Variants in MSI2 observed in about 807,000 individuals in gnomAD.
MSI2 encodes RNA-binding protein Musashi homolog 2.
A neutral mutation model predicts 45.6 loss-of-function variants in MSI2; 17 were observed. That is an observed-to-expected ratio of 0.37 (90% CI 0.26 to 0.56). The LOEUF (loss-of-function observed/expected upper bound fraction) is 0.56. Among genes scored for constraint, MSI2 ranks in the 20% least tolerant of loss-of-function variants. The pLI, the probability that MSI2 is intolerant of heterozygous loss-of-function variation, is 0.77. For synonymous variants in MSI2, 156 were observed against 158.2 expected, an observed-to-expected ratio of 0.99 and a Z score of 0.11; for missense variants, 293 against 444.2, an observed-to-expected ratio of 0.66 and a Z score of 3.06.
intron 5 of MSI2, among the ~76,000 whole-genome samples, chr17:57,392,482 T>G (rs2083813089): frequency 6.6e-6 from 1 of 152,156 alleles, no homozygotes; most frequent in African/African-American, 2.4e-5. Context: ...TATAATTGTG[T>G]GTGAATTATA....
chr17:57,676,399 C>G (rs142172837), intron 12 of MSI2, among the ~76,000 whole-genome samples: 1 of 152,326 alleles, frequency 6.6e-6, no homozygotes, highest in East Asian at 1.9e-4. Context: ...CTAATCCCTT[C>G]GGATCAACTG....
intron 5 of MSI2, among the ~76,000 whole-genome samples, chr17:57,342,333 C>T (rs894623): frequency 0.25 from 37,283 of 151,902 alleles, 4,795 homozygotes; most frequent in Non-Finnish European, 0.3. Flanking sequence ...CCTGGTTGAA[C>T]GCTCTGAGAG....
At chr17:57,673,683 C>T (rs1444799077) in intron 11 of MSI2, among the ~76,000 whole-genome samples, 3 of 151,944 alleles carry the variant, frequency 2.0e-5, no homozygotes, top group Non-Finnish European at 2.9e-5. Flanking sequence ...TGACAGGCTG[C>T]GGCCCTCATT....
chr17:57,410,111 A>G (rs1266673845), intron 6 of MSI2, among the ~76,000 whole-genome samples: 1 of 151,482 alleles, frequency 6.6e-6, no homozygotes, highest in East Asian at 1.9e-4. Context: ...GGCAGGATGC[A>G]GGTAGGGTGA....
At chr17:57,620,988 A>G (rs1273818006) in intron 9 of MSI2, among the ~76,000 whole-genome samples, 1 of 152,314 alleles carries the variant, frequency 6.6e-6, no homozygotes, top group Admixed American at 6.5e-5. Context: ...TGTTTTGCCC[A>G]TTGGCCCAGC....
At chr17:57,456,111 G>A (rs113199911) in intron 6 of MSI2, among the ~76,000 whole-genome samples, 3 of 152,278 alleles carry the variant, frequency 2.0e-5, no homozygotes, top group South Asian at 2.1e-4. Context: ...CAAGAACATC[G>A]AACAACCACT....
intron 5 of MSI2, among the ~76,000 whole-genome samples, chr17:57,399,067 A>G (rs1287845463): frequency 6.6e-6 from 1 of 152,020 alleles, no homozygotes; most frequent in Non-Finnish European, 1.5e-5. Flanking sequence ...AAAGGGCTTG[A>G]TGGAATTTTG....
chr17:57,695,888 C>T, the MSI2 span, among the ~76,000 whole-genome samples: 1 of 152,172 alleles, frequency 6.6e-6, no homozygotes, highest in Non-Finnish European at 1.5e-5. Flanking sequence ...TGTTTCCTCA[C>T]ACGGCCTCTC....
intron 6 of MSI2, among the ~76,000 whole-genome samples, chr17:57,502,636 T>TATATATATATATATATATATAGAG: frequency 1.0e-5 from 1 of 96,902 alleles, no homozygotes; most frequent in Non-Finnish European, 2.1e-5. Flanking sequence ...TATATATATA[T>TATATATATATATATATATATAGAG]AGTCATCATT....
rs546397638 is a variant in MSI2, at chr17:57,518,962, C to T, written c.406-10714C>T. On this transcript the variant is annotated intron_variant, in intron 6 of 13. Coordinates refer to ENST00000284073, the MANE Select transcript of MSI2 (RefSeq NM_138962.4). ...CAGTGTCTCTCTCCCCTTCCCTCAT[C>T]GCCTCCTCTCTACACCCCATCTCAG... Among the ~76,000 whole-genome samples, 15 of 152,328 alleles carry T rather than the reference C, an allele frequency of 9.8e-5. No individual in the cohort carries two copies. In the South Asian group the frequency reaches 2.3e-3, roughly 23 times the overall value.
At chr17:57,415,094 A>G (rs2143234575) in intron 6 of MSI2, among the ~76,000 whole-genome samples, 1 of 152,132 alleles carries the variant, frequency 6.6e-6, no homozygotes, top group Admixed American at 6.5e-5. Context: ...AGACGGTGAG[A>G]GCGTTGACTC....
intron 6 of MSI2, among the ~76,000 whole-genome samples, chr17:57,441,799 C>A (rs2084804328): frequency 6.6e-6 from 1 of 152,164 alleles, no homozygotes; most frequent in Non-Finnish European, 1.5e-5. Context: ...AAGCATGTTG[C>A]CTGGCACACA....
At chr17:57,455,197 T>C (rs1399945800) in intron 6 of MSI2, among the ~76,000 whole-genome samples, 1 of 152,114 alleles carries the variant, frequency 6.6e-6, no homozygotes, top group African/African-American at 2.4e-5. Flanking sequence ...AGCTGTCTAT[T>C]GCAGCTTGTA....
At chr17:57,497,535 A>T (rs1178169474) in intron 6 of MSI2, among the ~76,000 whole-genome samples, 1 of 152,186 alleles carries the variant, frequency 6.6e-6, no homozygotes, top group Non-Finnish European at 1.5e-5. Context: ...GTCTTTGTCA[A>T]GGTTACATGG....
intron 10 of MSI2, among the ~76,000 whole-genome samples, chr17:57,651,778 G>A (rs556657246): frequency 6.6e-4 from 101 of 152,306 alleles, no homozygotes; most frequent in African/African-American, 2.3e-3. Context: ...CCACTGTGTC[G>A]ATGCACGGCC....
At chr17:57,379,884 A>T (rs1357318492) in intron 5 of MSI2, among the ~76,000 whole-genome samples, 1 of 151,328 alleles carries the variant, frequency 6.6e-6, no homozygotes, top group Non-Finnish European at 1.5e-5. Flanking sequence ...ACCCCTCCCA[A>T]CTTCTCTTTG....
chr17:57,270,240 C>A (rs1159099305), intron 5 of MSI2, among the ~76,000 whole-genome samples: 1 of 152,022 alleles, frequency 6.6e-6, no homozygotes, highest in East Asian at 1.9e-4. Flanking sequence ...TTCTTTAATC[C>A]TTACAACAAT....
In MSI2 at chr17:57,599,523, C is replaced by T. The variant is rs1905626779; in HGVS notation, c.537+2573C>T. ...TTTCCTGTTTCATATTTATCGCCTT[C>T]TCTCCCACCCAGGTGGAGGGTGACT... On this transcript the variant is annotated intron_variant, in intron 8 of 13. Transcript: ENST00000284073. Among the ~76,000 whole-genome samples, 3 of 152,224 alleles carry T rather than the reference C, an allele frequency of 2.0e-5. No individual in the cohort carries two copies. In the South Asian group the frequency reaches 6.2e-4, roughly 32 times the overall value.
chr17:57,628,343 C>T (rs1027092949), intron 10 of MSI2: 1 of 152,288 alleles, frequency 6.6e-6, no homozygotes, highest in Non-Finnish European at 1.5e-5. Flanking sequence ...CGCCCTGACA[C>T]TGATGACAGG....
Sources: allele counts gnomAD v4.1 joint callset (sites outside exome capture counted in the v4.1 genomes callset), GRCh38; gene constraint gnomAD v4.1.1; transcripts MANE v1.5; gene names NCBI Gene and HGNC (gene_info 2026-07-23, HGNC 2026-07-21).